WWC2: variants seen among roughly 807,000 people sequenced by gnomAD.
WWC2 encodes the protein protein WWC2.
A neutral mutation model predicts 138.5 loss-of-function variants in WWC2; 101 were observed. The observed-to-expected ratio is 0.73, with a 90% CI of 0.62 to 0.86. The LOEUF (loss-of-function observed/expected upper bound fraction) is 0.86. WWC2 is among the 40% of genes least tolerant of loss of function. WWC2 has a pLI of 0.00. For synonymous variants in WWC2, 558 were observed against 538.4 expected (o/e 1.04, Z -0.50); for missense variants, 1,420 against 1,419.4 (o/e 1.00, Z -0.01).
At chr4:183,148,483 T>C (rs1733537538) in intron 1 of WWC2, among the ~76,000 whole-genome samples, 1 of 152,196 alleles carries the variant, frequency 6.6e-6, no homozygotes, top group Admixed American at 6.5e-5. Context: ...TAAGCTATCT[T>C]AATGTTTACT....
intron 6 of WWC2, among the ~76,000 whole-genome samples, chr4:183,246,788 T>A (rs988218136): frequency 6.6e-6 from 1 of 152,224 alleles, no homozygotes; most frequent in Non-Finnish European, 1.5e-5. Flanking sequence ...CATGCAAGAC[T>A]TTACTTGTGT....
chr4:183,247,577 A>ATG (rs1560864575), intron 6 of WWC2, among the ~76,000 whole-genome samples: 2 of 138,726 alleles, frequency 1.4e-5, no homozygotes, highest in African/African-American at 5.5e-5. Flanking sequence ...TGCTCTATAT[A>ATG]CTATATACTA....
chr4:183,172,835 A>G (rs770793175), intron 1 of WWC2, among the ~76,000 whole-genome samples: 3 of 151,956 alleles, frequency 2.0e-5, no homozygotes, highest in African/African-American at 7.3e-5. Flanking sequence ...GAACTCATGC[A>G]AGTCAGATAT....
chr4:183,200,549 C>G (rs1037231514), intron 2 of WWC2, among the ~76,000 whole-genome samples: 1 of 152,104 alleles, frequency 6.6e-6, no homozygotes, highest in Non-Finnish European at 1.5e-5. Flanking sequence ...TAGCTGGATA[C>G]TCTGGCTCAA....
intron 2 of WWC2, among the ~76,000 whole-genome samples, chr4:183,203,354 T>A (rs1560840928): frequency 6.6e-6 from 1 of 152,066 alleles, no homozygotes; most frequent in East Asian, 1.9e-4. Context: ...ACCCGCATTA[T>A]CACCCAGGTG....
chr4:183,284,521 T>A, intron 19 of WWC2, 131 bp downstream of exon 19: 1 of 1,074,176 alleles, frequency 9.3e-7, no homozygotes, highest in Non-Finnish European at 1.3e-6. Context: ...AGAAATGCTG[T>A]AAAACAGATG....
At chr4:183,280,008 T>C (rs1393556554) in intron 16 of WWC2, among the ~76,000 whole-genome samples, 1 of 152,106 alleles carries the variant, frequency 6.6e-6, no homozygotes, top group Non-Finnish European at 1.5e-5. Context: ...GCTATTGTTT[T>C]TCTTGACTTT....
chr4:183,160,813 C>T (rs1289184447), intron 1 of WWC2, among the ~76,000 whole-genome samples: 1 of 152,052 alleles, frequency 6.6e-6, no homozygotes, highest in Non-Finnish European at 1.5e-5. Flanking sequence ...AATTTGCATC[C>T]AGATTCCAAG....
intron 1 of WWC2, among the ~76,000 whole-genome samples, chr4:183,176,539 C>T (rs559862177): frequency 6.6e-6 from 1 of 152,224 alleles, no homozygotes; most frequent in South Asian, 2.1e-4. Flanking sequence ...TCTCCTGCCT[C>T]AGCCTCCCGA....
At position 183,319,488 on chromosome 4, in the gene WWC2, C is replaced by CG. The variant is rs1739559386; in HGVS notation, c.*3762dup. On this transcript the variant is annotated 3_prime_UTR_variant, in exon 23 of 23. Coordinates refer to ENST00000403733, the MANE Select transcript of WWC2 (RefSeq NM_024949.6). ...CAAAAGCACAGTGAGATGACTAGAG[C>CG]GGGACATCCTACCAAATCCAGTGTT... The CG allele has an allele frequency of 7.7e-6, 11 of 1,435,132 alleles. No individual in the cohort carries two copies. The South Asian group carries it at 1.4e-4, about 18-fold the overall frequency. The allele number at this position is 1,435,132 out of a possible 1,614,324, so 88.9% of individuals were successfully genotyped here.
intron 1 of WWC2, among the ~76,000 whole-genome samples, chr4:183,137,575 C>T (rs1031579289): frequency 3.3e-5 from 5 of 151,830 alleles, no homozygotes; most frequent in East Asian, 3.9e-4. Flanking sequence ...CTTGGCTCAC[C>T]GTAACCTTGA....
chr4:183,300,091 T>A (rs1040494705), intron 21 of WWC2, among the ~76,000 whole-genome samples: 3 of 152,188 alleles, frequency 2.0e-5, no homozygotes, highest in Non-Finnish European at 4.4e-5. Context: ...TAAGACTGGA[T>A]TGTGCTTTTT....
intron 1 of WWC2, among the ~76,000 whole-genome samples, chr4:183,187,869 G>A (rs1001655815): frequency 1.4e-4 from 21 of 151,444 alleles, no homozygotes; most frequent in African/African-American, 4.9e-4. Flanking sequence ...GTGAAACTCC[G>A]TCTCAATAAA....
At chr4:183,255,839 G>GTAACTCAAAATTCCAGTGA (rs1737116154) in intron 9 of WWC2, among the ~76,000 whole-genome samples, 1 of 148,700 alleles carries the variant, frequency 6.7e-6, no homozygotes, top group Non-Finnish European at 1.5e-5. Context: ...CACACACATA[G>GTAACTCAAAATTCCAGTGA]TAACTCAAAA....
intron 1 of WWC2, among the ~76,000 whole-genome samples, chr4:183,131,404 ACTT>A (rs1244299361): frequency 1.3e-4 from 20 of 152,216 alleles, no homozygotes; most frequent in South Asian, 8.3e-4. Flanking sequence ...AAAATTAAAT[ACTT>A]CTGTGGATGA....
intron 1 of WWC2, among the ~76,000 whole-genome samples, chr4:183,187,598 C>T (rs1474928195): frequency 2.2e-5 from 2 of 91,190 alleles, no homozygotes; most frequent in South Asian, 7.5e-4. Flanking sequence ...AGGCATGGTG[C>T]GGTGGCTCAC....
chr4:183,132,265 T>C (rs986800832), intron 1 of WWC2, among the ~76,000 whole-genome samples: 2 of 152,102 alleles, frequency 1.3e-5, no homozygotes, highest in African/African-American at 2.4e-5. Context: ...CCCAGTACAG[T>C]GTTGAATTGA....
At chr4:183,155,887 T>G (rs1205825667) in intron 1 of WWC2, among the ~76,000 whole-genome samples, 2 of 152,208 alleles carry the variant, frequency 1.3e-5, no homozygotes, top group Non-Finnish European at 2.9e-5. Context: ...TAAATCAGGA[T>G]TTTTCAGTCT....
chr4:183,280,467 A>G (rs1738033431), intron 16 of WWC2, among the ~76,000 whole-genome samples: 1 of 151,990 alleles, frequency 6.6e-6, no homozygotes, highest in Admixed American at 6.6e-5. Flanking sequence ...TGTTTAGCCC[A>G]TGTACCTCAC....
Sources: gnomAD v4.1 joint callset for allele counts (sites outside exome capture counted in the v4.1 genomes callset) on GRCh38, gnomAD v4.1.1 for gene constraint, MANE v1.5 for transcripts, NCBI Gene and HGNC (gene_info 2026-07-23, HGNC 2026-07-21) for gene names.